PCDHA11: variants seen among roughly 807,000 people sequenced by gnomAD.
The protein encoded by PCDHA11 is protocadherin alpha-11.
PCDHA11 carries 61 observed loss-of-function variants against 70.3 expected under a neutral mutation model. The observed-to-expected ratio is 0.87, with a 90% CI of 0.71 to 1.07. The LOEUF (loss-of-function observed/expected upper bound fraction) is 1.07. Among genes scored for constraint, PCDHA11 ranks in the 50% least tolerant of loss-of-function variants. The pLI, the probability that PCDHA11 is intolerant of heterozygous loss-of-function variation, is 0.00. For synonymous variants in PCDHA11, 633 were observed against 555.1 expected (o/e 1.14, Z -1.97); for missense variants, 1,324 against 1,237.5 (o/e 1.07, Z -1.05).
intron 1 of PCDHA11, among the ~76,000 whole-genome samples, chr5:140,970,841 C>T (rs782138970): frequency 2.0e-5 from 3 of 150,352 alleles, no homozygotes; most frequent in African/African-American, 7.5e-5. Context: ...ATGTAATGCA[C>T]AGGCACAAAA....
intron 1 of PCDHA11, among the ~76,000 whole-genome samples, chr5:140,895,848 G>T (rs147299280): frequency 6.6e-6 from 1 of 151,982 alleles, no homozygotes; most frequent in Non-Finnish European, 1.5e-5. Flanking sequence ...TCTCACTCTT[G>T]TACCCCAGGC....
chr5:140,918,503 C>G (rs2078725431), intron 1 of PCDHA11, among the ~76,000 whole-genome samples: 1 of 152,056 alleles, frequency 6.6e-6, no homozygotes, highest in Non-Finnish European at 1.5e-5. Flanking sequence ...GGTACCAATC[C>G]TTTTAAACTT....
rs140727388 is a variant in PCDHA11, at chr5:140,974,245, C to G, written c.2392-4704C>G. Among the ~76,000 whole-genome samples, 191 of 152,268 alleles carry G rather than the reference C, an allele frequency of 1.3e-3. 1 individual carries two copies. The highest frequency in any genetic ancestry group is 4.3e-3 in the African/African-American group (179 of 41,572). Reference sequence around the variant, plus strand: ...ATCTTAGTTCCTTGGCATATAAGCACCATCAGTTCCTTTCTGGCCTTCCAG... The same window carrying G: ...ATCTTAGTTCCTTGGCATATAAGCAGCATCAGTTCCTTTCTGGCCTTCCAG... On this transcript the variant is annotated intron_variant, in intron 1 of 3. Transcript: ENST00000398640.
intron 1 of PCDHA11, among the ~76,000 whole-genome samples, chr5:140,890,111 A>G (rs1365246358): frequency 6.6e-6 from 1 of 152,194 alleles, no homozygotes; most frequent in Admixed American, 6.5e-5. Context: ...TCTGGATTCA[A>G]TGATGTCACT....
intron 1 of PCDHA11, chr5:140,882,990 A>T (rs1554176394): frequency 6.2e-7 from 1 of 1,614,130 alleles, no homozygotes; most frequent in Admixed American, 1.7e-5. Context: ...AACGCCCCGG[A>T]ATTTTACCAA....
intron 3 of PCDHA11, among the ~76,000 whole-genome samples, chr5:140,994,545 A>T (rs1397619431): frequency 2.6e-5 from 4 of 152,074 alleles, no homozygotes; most frequent in African/African-American, 9.7e-5. Flanking sequence ...TCTACAAAAA[A>T]AATATAAAAA....
intron 1 of PCDHA11, chr5:140,883,585 C>G: frequency 6.2e-7 from 1 of 1,614,028 alleles, no homozygotes; most frequent in Non-Finnish European, 8.5e-7. Flanking sequence ...GGGCCACGGC[C>G]AGCGTGTCGG....
In PCDHA11 at chr5:140,928,040, GC is replaced by G. The variant is rs782389793; in HGVS notation, c.2392-50906del. The G allele has an allele frequency of 2.1e-4, 337 of 1,614,060 alleles. 1 individual carries two copies. Among genetic ancestry groups the G allele is most frequent in the Non-Finnish European group, 2.6e-4 (309 of 1,180,038 alleles). ...GTCATTTGTGGCATGTCTAGTGCAG[GC>G]CCTTTTCAGCTGACGGCTTCCTTTG... is the stretch of plus-strand genomic sequence containing the variant. On this transcript the variant is annotated intron_variant, in intron 1 of 3. Coordinates refer to ENST00000398640, the MANE Select transcript of PCDHA11 (RefSeq NM_018902.5).
chr5:140,945,962 G>A (rs1049789327), intron 1 of PCDHA11, among the ~76,000 whole-genome samples: 1 of 152,002 alleles, frequency 6.6e-6, no homozygotes, highest in Non-Finnish European at 1.5e-5. Context: ...GAAAGCACAG[G>A]CAATAAAAGC....
intron 1 of PCDHA11, among the ~76,000 whole-genome samples, chr5:140,917,076 T>C (rs986884478): frequency 1.3e-5 from 2 of 152,124 alleles, no homozygotes; most frequent in East Asian, 3.9e-4. Flanking sequence ...CCGAGTTTAA[T>C]GTAAAGTTCC....
intron 1 of PCDHA11, among the ~76,000 whole-genome samples, chr5:140,939,327 C>T (rs2092367339): frequency 6.6e-6 from 1 of 152,146 alleles, no homozygotes; most frequent in South Asian, 2.1e-4. Flanking sequence ...ATATCATAAT[C>T]TTAGGGGTTA....
intron 1 of PCDHA11, among the ~76,000 whole-genome samples, chr5:140,873,677 T>A (rs1358245351): frequency 6.6e-6 from 1 of 152,212 alleles, no homozygotes; most frequent in African/African-American, 2.4e-5. Flanking sequence ...TTGTTTCTTT[T>A]TGAGATAGAG....
At chr5:141,003,517 T>C (rs538562882) in intron 3 of PCDHA11, among the ~76,000 whole-genome samples, 1 of 152,238 alleles carries the variant, frequency 6.6e-6, no homozygotes, top group East Asian at 1.9e-4. Context: ...TTCACCATGT[T>C]CCCTAGGCTG....
intron 1 of PCDHA11, among the ~76,000 whole-genome samples, chr5:140,885,639 A>C (rs782628776): frequency 6.6e-6 from 1 of 152,184 alleles, no homozygotes; most frequent in Non-Finnish European, 1.5e-5. Flanking sequence ...TTGCCTTCCA[A>C]GTATTTTGGA....
At chr5:140,883,470 A>T in intron 1 of PCDHA11, 3 of 1,614,126 alleles carry the variant, frequency 1.9e-6, no homozygotes, top group Non-Finnish European at 1.7e-6. Context: ...GTGTCCACCT[A>T]CAAGAACTAC....
intron 1 of PCDHA11, chr5:140,969,383 C>G: frequency 6.3e-7 from 1 of 1,597,986 alleles, no homozygotes; most frequent in Non-Finnish European, 8.5e-7. Context: ...TGTTACACAT[C>G]CCCCAATATC....
At position 140,871,152 on chromosome 5, in the gene PCDHA11, G is replaced by A. The variant is rs376980257; in HGVS notation, c.2049G>A (p.Ala683=). Reference sequence around the variant, plus strand: ...CAAAGGCCTCTTCCCGGACTTTGGCGGGCGCCGCGAGCCCAGAGGCTGCGC... The same window carrying A: ...CAAAGGCCTCTTCCCGGACTTTGGCAGGCGCCGCGAGCCCAGAGGCTGCGC... The part of the protein sequence containing the change: ...QAPKASSRTL[A]GAASPEAALV... The change falls in exon 1 of 4, where the codon GCG becomes GCA. Residue 683 remains alanine (A), a synonymous_variant. Transcript: ENST00000398640. 4 of 1,613,318 alleles carry A rather than the reference G, an allele frequency of 2.5e-6. No homozygotes were observed. The highest frequency in any genetic ancestry group is 1.1e-5 in the South Asian group (1 of 91,088).
At chr5:140,877,095 C>T in intron 1 of PCDHA11, 1 of 1,613,330 alleles carries the variant, frequency 6.2e-7, no homozygotes, top group Non-Finnish European at 8.5e-7. Context: ...GCGACGCCGG[C>T]GTGCCGCCTC....
At chr5:140,953,565 C>A (rs1433649283) in intron 1 of PCDHA11, among the ~76,000 whole-genome samples, 2 of 151,370 alleles carry the variant, frequency 1.3e-5, no homozygotes, top group African/African-American at 2.5e-5. Context: ...AGTTTTAGTG[C>A]CCTCCTCTCC....
Sources: allele counts gnomAD v4.1 joint callset (sites outside exome capture counted in the v4.1 genomes callset), GRCh38; gene constraint gnomAD v4.1.1; transcripts MANE v1.5; gene names NCBI Gene and HGNC (gene_info 2026-07-23, HGNC 2026-07-21).